The following KAT6A variants were observed in gnomAD, a reference collection of about 807,000 sequenced individuals.
The protein encoded by KAT6A is lysine acetyltransferase 6A, also known as histone acetyltransferase KAT6A.
Under a neutral mutation model 198.4 loss-of-function variants are expected in KAT6A, and 9 were observed. The observed-to-expected ratio is 0.05, with a 90% CI of 0.03 to 0.08. The LOEUF is 0.08. Among genes scored for constraint, KAT6A ranks in the 10% least tolerant of loss-of-function variants. The probability of loss-of-function intolerance (pLI) is 1.00; values close to 1 mark genes in which losing one functional copy is unlikely to be tolerated. For synonymous variants in KAT6A, 890 were observed against 883.0 expected (o/e 1.01, Z -0.14); for missense variants, 2,077 against 2,509.9 (o/e 0.83, Z 3.69).
Position 42,049,151 on chromosome 8 carries a change from C to T in KAT6A, c.-174G>A. The T allele has an allele frequency of 8.0e-6, 5 of 626,478 alleles. No homozygotes were observed. Among genetic ancestry groups the T allele is most frequent in the Non-Finnish European group, 1.4e-5 (5 of 367,252 alleles). 38.8% of individuals were successfully genotyped at this position (626,478 alleles called of 1,614,324 possible). ...AAAACAGAATGCCACCCCAATTGTA[C>T]TATAGAAACCAAAACAACCTGTTGA... On this transcript the variant is annotated 5_prime_UTR_variant, in exon 2 of 17. An upstream open reading frame in the 5' UTR loses its in-frame stop. Coordinates refer to ENST00000265713, the MANE Select transcript of KAT6A (RefSeq NM_006766.5).
At chr8:42,019,769 C>T (rs1359792067) in intron 2 of KAT6A, among the ~76,000 whole-genome samples, 1 of 152,132 alleles carries the variant, frequency 6.6e-6, no homozygotes, top group Non-Finnish European at 1.5e-5. Context: ...TCACTGCATA[C>T]CTATACTCAA....
intron 2 of KAT6A, among the ~76,000 whole-genome samples, chr8:42,026,693 G>C (rs953173980): frequency 6.6e-6 from 1 of 152,104 alleles, no homozygotes; most frequent in East Asian, 1.9e-4. Context: ...CTACATATGA[G>C]ATCATGTTGT....
At chr8:42,023,416 C>A (rs1826645565) in intron 2 of KAT6A, among the ~76,000 whole-genome samples, 2 of 152,084 alleles carry the variant, frequency 1.3e-5, no homozygotes, top group African/African-American at 4.8e-5. Flanking sequence ...TTTTTAATTT[C>A]TTTTACTTTA....
Position 41,977,066 on chromosome 8 carries a change from C to T in KAT6A, c.1305G>A (p.Glu435=), listed in dbSNP as rs1374106528. The T allele has an allele frequency of 1.2e-6, 2 of 1,613,960 alleles. No homozygotes were observed. The highest frequency in any genetic ancestry group is 1.7e-6 in the Non-Finnish European group (2 of 1,179,988). The part of the protein sequence containing the change: ...KARGEVVDYS[E]QYRIRKRGNR... ...TGCCCCTCTTTCTGATTCGATATTG[C>T]TCAGAGTAGTCCACCACTTCCCCCC... Residue 435 remains glutamate, a synonymous_variant, in exon 7 of 17, where the codon GAG becomes GAA. Coordinates refer to ENST00000265713, the MANE Select transcript of KAT6A (RefSeq NM_006766.5).
rs182858972 is a variant in KAT6A at position 41,930,706 on chromosome 8, G to A, written c.*1499C>T. ...TATGTGTGTGTGTGTGTGTGTGTGTGTGTGTATATATATATATATATATTT... is the reference window on the plus strand; with the variant it reads ...TATGTGTGTGTGTGTGTGTGTGTGTATGTGTATATATATATATATATATTT... On this transcript the variant is annotated 3_prime_UTR_variant, in exon 17 of 17. Coordinates refer to ENST00000265713, the MANE Select transcript of KAT6A (RefSeq NM_006766.5). 11,815 of 76,570 alleles carry A rather than the reference G, an allele frequency of 0.15. 1,037 individuals carry two copies. Among genetic ancestry groups the A allele is most frequent in the Middle Eastern group, 0.22 (30 of 134 alleles). The allele number at this position is 76,570 out of a possible 1,614,324, so 4.7% of individuals were successfully genotyped here. A position where few individuals can be genotyped will look rare whatever the true frequency, so the allele number is the denominator to read the frequency against.
At chr8:41,940,367 C>T (rs1042018808) in intron 15 of KAT6A, among the ~76,000 whole-genome samples, 3 of 152,160 alleles carry the variant, frequency 2.0e-5, no homozygotes, top group Non-Finnish European at 4.4e-5. Flanking sequence ...AACAATAGCA[C>T]CCAAGATGAG....
Position 41,978,644 on chromosome 8 carries a change from C to T in KAT6A, c.1041G>A (p.Thr347=), listed in dbSNP as rs1401620034. 9 of 1,613,756 alleles carry T rather than the reference C, an allele frequency of 5.6e-6. No homozygotes were observed. Among genetic ancestry groups the T allele is most frequent in the East Asian group, 2.2e-5 (1 of 44,876 alleles). The change falls in exon 6 of 17, where the codon ACG becomes ACA. Residue 347 remains threonine (T), a splice_region_variant and synonymous_variant. Transcript: ENST00000265713. ...ACCTTGCCACAAGTACAACTTACACCGTGTTTTGTTTCTTTAACCTGTTTT... is the reference window on the plus strand; with the variant it reads ...ACCTTGCCACAAGTACAACTTACACTGTGTTTTGTTTCTTTAACCTGTTTT... ...RPKNRLKKQN[T]VSKGPFSKVR... is the part of the protein sequence containing the mutation.
intron 2 of KAT6A, among the ~76,000 whole-genome samples, chr8:42,026,936 C>G (rs942585688): frequency 1.3e-5 from 2 of 152,098 alleles, no homozygotes; most frequent in Non-Finnish European, 2.9e-5. Context: ...TTGAAGTATG[C>G]TCCTTTTATG....
chr8:42,048,266 C>G, intron 2 of KAT6A, 112 bp downstream of exon 2: 1 of 1,079,638 alleles, frequency 9.3e-7, no homozygotes, highest in Non-Finnish European at 1.3e-6. Context: ...CAGAGGTGAT[C>G]ACTCCACAGA....
At chr8:42,024,348 T>G (rs989970042) in intron 2 of KAT6A, among the ~76,000 whole-genome samples, 1 of 152,240 alleles carries the variant, frequency 6.6e-6, no homozygotes, top group Admixed American at 6.5e-5. Context: ...TACATCTTTA[T>G]GAGGTACACG....
At position 42,003,718 on chromosome 8, in the gene KAT6A, A is replaced by G. The variant is rs113240423; in HGVS notation, c.601-16155T>C. 6.9e-4 allele frequency among the ~76,000 whole-genome samples: 105 copies of G among 152,210 alleles called. 4 individuals carry two copies. The highest frequency in any genetic ancestry group is 3.9e-3 in the South Asian group (19 of 4,822). On this transcript the variant is annotated intron_variant, in intron 2 of 16. Transcript: ENST00000265713. ...CATATGGTGAAGCCCTAATTCCTCA[A>G]TGTGACTCTATTTGGAGAGAAGGCC... is the stretch of plus-strand genomic sequence containing the variant.
rs1183285141 is a variant in KAT6A, at chr8:41,931,204, AG to A, written c.*1000del. ...CTGCTATTTGAGTTTTATCAGTCAA[AG>A]GCTCAAGCATCAAGACCCTCAGTTA... On this transcript the variant is annotated 3_prime_UTR_variant, in exon 17 of 17. Transcript: ENST00000265713. The A allele has an allele frequency of 4.5e-6, 1 of 222,570 alleles. No homozygotes were observed. The highest frequency in any genetic ancestry group is 9.0e-6 in the Non-Finnish European group (1 of 111,160). The allele number at this position is 222,570 out of a possible 1,614,324, so 13.8% of individuals were successfully genotyped here. A position where few individuals can be genotyped will look rare whatever the true frequency, so the allele number is the denominator to read the frequency against.
At chr8:42,032,449 T>C (rs1403089863) in intron 2 of KAT6A, among the ~76,000 whole-genome samples, 2 of 152,192 alleles carry the variant, frequency 1.3e-5, no homozygotes, top group Non-Finnish European at 2.9e-5. Flanking sequence ...TTTATTTCCC[T>C]TTTTCCTTCT....
chr8:42,020,720 T>C (rs532537296), intron 2 of KAT6A, among the ~76,000 whole-genome samples: 22 of 152,328 alleles, frequency 1.4e-4, no homozygotes, highest in Non-Finnish European at 2.8e-4. Context: ...ACTGTAATAC[T>C]GGGGAGCTTT....
chr8:41,942,213 G>A (rs1177195789), intron 14 of KAT6A: 3 of 216,334 alleles, frequency 1.4e-5, no homozygotes, highest in South Asian at 1.8e-4. Context: ...AGATCTGTGT[G>A]TCCACAGGAT....
chr8:42,008,181 G>A (rs1190742559), intron 2 of KAT6A, among the ~76,000 whole-genome samples: 1 of 151,944 alleles, frequency 6.6e-6, no homozygotes, highest in Non-Finnish European at 1.5e-5. Flanking sequence ...GATATATACA[G>A]AGCCAGAGAG....
intron 9 of KAT6A, among the ~76,000 whole-genome samples, chr8:41,954,112 T>A (rs983490962): frequency 1.3e-5 from 2 of 152,176 alleles, no homozygotes; most frequent in African/African-American, 4.8e-5. Context: ...TCTTCTGTTT[T>A]TGTTAGCTGT....
intron 6 of KAT6A, 51 bp from the exon 7 acceptor site, chr8:41,977,378 G>A (rs1477045019): frequency 7.3e-7 from 1 of 1,372,242 alleles, no homozygotes; most frequent in Non-Finnish European, 1.0e-6. Flanking sequence ...ATACTTGTAA[G>A]GTTCCTTTTT....
At chr8:41,994,493 T>A (rs1340081778) in intron 2 of KAT6A, among the ~76,000 whole-genome samples, 1 of 151,890 alleles carries the variant, frequency 6.6e-6, no homozygotes, top group African/African-American at 2.4e-5. Context: ...TCCTTCTATA[T>A]CTAGAATGTT....
Sources: gnomAD v4.1 joint callset for allele counts (sites outside exome capture counted in the v4.1 genomes callset) on GRCh38, gnomAD v4.1.1 for gene constraint, MANE v1.5 for transcripts, NCBI Gene and HGNC (gene_info 2026-07-23, HGNC 2026-07-21) for gene names.